The following HIP1 variants were observed in gnomAD, a reference collection of about 807,000 sequenced individuals.
HIP1 encodes huntingtin interacting protein 1, also known as huntingtin-interacting protein 1.
A neutral mutation model predicts 147.6 loss-of-function variants in HIP1; 65 were observed. The ratio of observed to expected loss-of-function variants is 0.44; its 90% CI spans 0.36 to 0.54. HIP1 has a LOEUF of 0.54. Ranked by LOEUF, HIP1 falls within the 20% of genes least tolerant of loss-of-function variation. The pLI is 0.00. For missense variants in HIP1, 1,061 were observed against 1,299.6 expected (o/e 0.82, Z 2.82); for synonymous variants, 479 against 504.0 (o/e 0.95, Z 0.67).
intron 1 of HIP1, among the ~76,000 whole-genome samples, chr7:75,601,420 C>A (rs1435600937): frequency 6.6e-6 from 1 of 151,854 alleles, no homozygotes; most frequent in Non-Finnish European, 1.5e-5. Context: ...GAAACCCCAT[C>A]TCTACTAAAA....
chr7:75,673,015 TCCA>T (rs1563284905), intron 1 of HIP1, among the ~76,000 whole-genome samples: 1 of 145,966 alleles, frequency 6.9e-6, no homozygotes, highest in African/African-American at 2.6e-5. Flanking sequence ...AACTGGGGAG[TCCA>T]CCAACTTTTT....
rs587708483 is a variant in HIP1 at position 75,634,867 on chromosome 7, G to A, written c.121-35620C>T. On this transcript the variant is annotated intron_variant, in intron 1 of 30. Transcript: ENST00000336926. The stretch of plus-strand genomic sequence containing the variant: ...AGGCGAGACAATAGCTTCAGCCCAG[G>A]AGTTCGAGGCTAGAGTCAGCTACAA... 8.1e-4 allele frequency among the ~76,000 whole-genome samples: 120 copies of A among 147,874 alleles called. 2 individuals carry two copies. In the South Asian group the frequency reaches 0.025, roughly 31 times the overall value.
chr7:75,592,717 C>A (rs1796546990), intron 2 of HIP1, among the ~76,000 whole-genome samples: 1 of 152,132 alleles, frequency 6.6e-6, no homozygotes, highest in Admixed American at 6.5e-5. Context: ...GTTGGCAGTG[C>A]CTTGGAGGGA....
rs151134556 is a variant in HIP1 at position 75,606,993 on chromosome 7, G to A, written c.121-7746C>T. ...GTCTGTAATCCCAGCACTTTGGGAGGTTGAGGCTGGAGGATTGCTTGAGAA... is the reference window on the plus strand; with the variant it reads ...GTCTGTAATCCCAGCACTTTGGGAGATTGAGGCTGGAGGATTGCTTGAGAA... On this transcript the variant is annotated intron_variant, in intron 1 of 30. Transcript: ENST00000336926. Among the ~76,000 whole-genome samples, 459 of 152,120 alleles carry A rather than the reference G, an allele frequency of 3.0e-3. 1 individual carries two copies. Among genetic ancestry groups the A allele is most frequent in the African/African-American group, 0.01 (435 of 41,524 alleles).
At position 75,573,784 on chromosome 7, in the gene HIP1, T is replaced by C. The variant is rs901086225; in HGVS notation, c.722A>G (p.Lys241Arg). Residue 241 changes from lysine (K) to arginine (R), a missense_variant, in exon 8 of 31, where the codon AAG becomes AGG. By Grantham distance (26) the Lys-to-Arg change is conservative. Coordinates refer to ENST00000336926, the MANE Select transcript of HIP1 (RefSeq NM_005338.7). Reference sequence around the variant, plus strand: ...ACAGGAGTGGAGTTTGAAGAGAAGCTTGACAGTGTAGTCATAAAGGTGGCT... The same window carrying C: ...ACAGGAGTGGAGTTTGAAGAGAAGCCTGACAGTGTAGTCATAAAGGTGGCT... ...DCSHLYDYTV[K>R]LLFKLHSCLP... 1 of 1,614,138 alleles carries C rather than the reference T, an allele frequency of 6.2e-7. No homozygotes were observed. The highest frequency in any genetic ancestry group is 8.5e-7 in the Non-Finnish European group (1 of 1,180,000).
At chr7:75,660,822 C>T (rs1423078553) in intron 1 of HIP1, among the ~76,000 whole-genome samples, 19 of 152,008 alleles carry the variant, frequency 1.2e-4, no homozygotes, top group Admixed American at 1.2e-3. Context: ...AACAAAGAAC[C>T]CCCTTCATCC....
At chr7:75,665,498 G>C (rs1415457108) in intron 1 of HIP1, among the ~76,000 whole-genome samples, 1 of 151,962 alleles carries the variant, frequency 6.6e-6, no homozygotes, top group African/African-American at 2.4e-5. Context: ...TTGTGGCTTT[G>C]CTAATGGTAT....
At chr7:75,579,792 G>A (rs1282304865) in intron 7 of HIP1, among the ~76,000 whole-genome samples, 2 of 152,188 alleles carry the variant, frequency 1.3e-5, no homozygotes, top group African/African-American at 4.8e-5. Flanking sequence ...CCCCAAGAGT[G>A]GGTCCTGCCT....
intron 2 of HIP1, among the ~76,000 whole-genome samples, chr7:75,592,971 A>G (rs1796555727): frequency 6.6e-6 from 1 of 152,074 alleles, no homozygotes; most frequent in Admixed American, 6.6e-5. Flanking sequence ...AACTACAGCT[A>G]TTTGTTGTGG....
At chr7:75,714,667 G>T (rs1201552051) in intron 1 of HIP1, among the ~76,000 whole-genome samples, 1 of 151,556 alleles carries the variant, frequency 6.6e-6, no homozygotes, top group Admixed American at 6.6e-5. Flanking sequence ...TGGCCAGGCT[G>T]GTCTTGAACT....
At chr7:75,673,633 T>C (rs942314913) in intron 1 of HIP1, among the ~76,000 whole-genome samples, 2 of 152,128 alleles carry the variant, frequency 1.3e-5, no homozygotes, top group Admixed American at 1.3e-4. Flanking sequence ...ATTGGTTTTC[T>C]TAATTTCATT....
intron 1 of HIP1, among the ~76,000 whole-genome samples, chr7:75,655,706 C>T (rs1799122464): frequency 6.6e-6 from 1 of 152,102 alleles, no homozygotes; most frequent in South Asian, 2.1e-4. Flanking sequence ...GTCATGTCAA[C>T]ACAAAGTAGA....
intron 22 of HIP1, among the ~76,000 whole-genome samples, chr7:75,550,157 C>T (rs1456566326): frequency 6.6e-6 from 1 of 152,104 alleles, no homozygotes; most frequent in Non-Finnish European, 1.5e-5. Flanking sequence ...GTCTGACAAA[C>T]AGCAAAGCCT....
intron 1 of HIP1, among the ~76,000 whole-genome samples, chr7:75,678,228 C>T (rs1584944164): frequency 6.6e-6 from 1 of 152,060 alleles, no homozygotes; most frequent in East Asian, 1.9e-4. Context: ...GTCAGCTTAG[C>T]TGAGGTGGAC....
rs1348762895 is a variant in HIP1, at chr7:75,537,893, C to G, written c.*279G>C. On this transcript the variant is annotated 3_prime_UTR_variant, in exon 31 of 31. Coordinates refer to ENST00000336926, the MANE Select transcript of HIP1 (RefSeq NM_005338.7). ...CTCTGTTGAGTGGCCCTGCCCCCCA[C>G]CACCCCTCTTCGTACCTAGGCTTGC... 2.0e-6 allele frequency: 1 copy of G among 497,840 alleles called. No homozygotes were observed. The highest frequency in any genetic ancestry group is 1.9e-5 in the African/African-American group (1 of 51,934). The allele number at this position is 497,840 out of a possible 1,614,324, so 30.8% of individuals were successfully genotyped here.
At position 75,542,519 on chromosome 7, in the gene HIP1, T is replaced by C. The variant is rs1404755960; in HGVS notation, c.2890+332A>G. On this transcript the variant is annotated intron_variant, in intron 28 of 30. Transcript: ENST00000336926. ...TTCGAGACCAGCTTGGCTAACATAG[T>C]GAAACCCCGTCTCTACTAAAAATAC... 2.6e-5 allele frequency among the ~76,000 whole-genome samples: 4 copies of C among 151,874 alleles called. No individual in the cohort carries two copies. The East Asian group carries it at 7.7e-4, about 29-fold the overall frequency.
intron 9 of HIP1, among the ~76,000 whole-genome samples, chr7:75,567,125 AAAAC>A (rs1441221872): frequency 6.6e-6 from 1 of 151,158 alleles, no homozygotes; most frequent in African/African-American, 2.5e-5. Flanking sequence ...AACAAAAACA[AAAAC>A]AAACAAACAA....
intron 1 of HIP1, among the ~76,000 whole-genome samples, chr7:75,672,816 A>G (rs1417472905): frequency 1.3e-5 from 2 of 152,108 alleles, no homozygotes; most frequent in African/African-American, 4.8e-5. Flanking sequence ...TCTTACATTT[A>G]GGTTTCTGAT....
chr7:75,556,796 C>T lies in HIP1; in HGVS notation c.1597G>A (p.Glu533Lys). 6.2e-7 allele frequency: 1 copy of T among 1,611,162 alleles called. No individual in the cohort carries two copies. Among genetic ancestry groups the T allele is most frequent in the Admixed American group, 1.7e-5 (1 of 60,002 alleles). Residue 533 changes from glutamate (E) to lysine (K), a missense_variant, in exon 17 of 31, where the codon GAA becomes AAA. By Grantham distance (56) the Glu-to-Lys change is moderately conservative (BLOSUM62 1). Coordinates refer to ENST00000336926, the MANE Select transcript of HIP1 (RefSeq NM_005338.7). ...QGQRKTQEQL[E>K]VLESLKQELA... Reference sequence around the variant, plus strand: ...TCCTGCTTCAAGCTCTCTAGAACTTCCAGCTGTTCTTGAGTCTGAAAGAGA... The same window carrying T: ...TCCTGCTTCAAGCTCTCTAGAACTTTCAGCTGTTCTTGAGTCTGAAAGAGA...
Sources: allele counts gnomAD v4.1 joint callset (sites outside exome capture counted in the v4.1 genomes callset), GRCh38; gene constraint gnomAD v4.1.1; transcripts MANE v1.5; gene names NCBI Gene and HGNC (gene_info 2026-07-23, HGNC 2026-07-21).